Variants in TMEM62 observed in about 807,000 individuals in gnomAD.
The protein encoded by TMEM62 is transmembrane protein 62.
Under a neutral mutation model 70.4 loss-of-function variants are expected in TMEM62, and 41 were observed. The ratio of observed to expected loss-of-function variants is 0.58; its 90% confidence interval spans 0.45 to 0.76. The LOEUF (loss-of-function observed/expected upper bound fraction) is 0.76, where lower values mean the gene tolerates loss of function less well. Among genes scored for constraint, TMEM62 ranks in the 30% least tolerant of loss-of-function variants. TMEM62 has a pLI of 0.00. For synonymous variants in TMEM62, 268 were observed against 291.0 expected, an observed-to-expected ratio of 0.92 and a Z score of 0.80; for missense variants, 688 against 788.5, an observed-to-expected ratio of 0.87 and a Z score of 1.53.
intron 10 of TMEM62, among the ~76,000 whole-genome samples, chr15:43,167,387 G>C (rs895052937): frequency 6.6e-5 from 10 of 151,672 alleles, no homozygotes; most frequent in African/African-American, 2.4e-5. Context: ...GCTGGGCTGA[G>C]GGGCACCTCA....
In TMEM62 at chr15:43,149,135, T is replaced by G. The variant is rs1271916341; in HGVS notation, c.850T>G (p.Trp284Gly). Residue 284 changes from tryptophan to glycine, a missense_variant, in exon 7 of 14, where the codon TGG becomes GGG. Physicochemically the swap from Trp to Gly is radical, Grantham distance 184 (BLOSUM62 -2). Transcript: ENST00000260403. ...QGTLELEVGD[W>G]KDNRRYRIFA... is the part of the protein sequence containing the mutation. ...CACTTTGGAACTTGAGGTGGGAGACTGGAAGGATAATAGGAGGTAAGGGAA... is the reference window on the plus strand; with the variant it reads ...CACTTTGGAACTTGAGGTGGGAGACGGGAAGGATAATAGGAGGTAAGGGAA... The G allele has an allele frequency of 6.2e-7, 1 of 1,614,082 alleles. No homozygotes were observed. The highest frequency in any genetic ancestry group is 1.7e-5 in the Admixed American group (1 of 60,012).
At chr15:43,163,473 C>A (rs2038995888) in intron 10 of TMEM62, among the ~76,000 whole-genome samples, 1 of 151,544 alleles carries the variant, frequency 6.6e-6, no homozygotes, top group African/African-American at 2.4e-5. Flanking sequence ...AAATGAATAA[C>A]CTGGATGTTA....
At chr15:43,179,533 G>T (rs987378486) in intron 12 of TMEM62, among the ~76,000 whole-genome samples, 1 of 152,202 alleles carries the variant, frequency 6.6e-6, no homozygotes, top group Non-Finnish European at 1.5e-5. Context: ...TGTATGATAT[G>T]TAAGGACAAA....
In TMEM62 at chr15:43,151,865, T is replaced by TA; in HGVS notation, c.943dup (p.Ile315AsnfsTer5). The stretch of plus-strand genomic sequence containing the variant: ...TCTTTGGGAAGTGGCCTGTGGTTCT[T>TA]ATCACCAATCCTAAATCACTCCTTT... On this transcript the variant is annotated frameshift_variant, in exon 8 of 14. Transcript: ENST00000260403. LOFTEE classifies it high-confidence loss of function. 1 of 1,614,040 alleles carries TA rather than the reference T, an allele frequency of 6.2e-7. No individual in the cohort carries two copies. The highest frequency in any genetic ancestry group is 8.5e-7 in the Non-Finnish European group (1 of 1,179,930).
In TMEM62 at chr15:43,184,574, C is replaced by A; in HGVS notation, c.1920C>A (p.His640Gln). Residue 640 changes from histidine to glutamine, a missense_variant, in exon 14 of 14, where the codon CAC becomes CAA. Coordinates refer to ENST00000260403, the MANE Select transcript of TMEM62 (RefSeq NM_024956.4). Reference protein sequence around the residue: ...FGIFMVQLKSHLSS With the variant: ...FGIFMVQLKSQLSS Reference sequence around the variant, plus strand: ...TCTTCATGGTGCAGTTAAAAAGCCACCTGAGCTCCTGAAGGCCATGTCTCA... The same window carrying A: ...TCTTCATGGTGCAGTTAAAAAGCCAACTGAGCTCCTGAAGGCCATGTCTCA... 1 of 1,609,464 alleles carries A rather than the reference C, an allele frequency of 6.2e-7. No homozygotes were observed. The highest frequency in any genetic ancestry group is 2.2e-5 in the East Asian group (1 of 44,878).
intron 11 of TMEM62, among the ~76,000 whole-genome samples, chr15:43,172,899 C>T (rs2040348392): frequency 6.6e-6 from 1 of 152,108 alleles, no homozygotes; most frequent in South Asian, 2.1e-4. Flanking sequence ...TTTCAGTAAG[C>T]ATCAGTCTTC....
intron 5 of TMEM62, among the ~76,000 whole-genome samples, chr15:43,148,533 C>T (rs761020500): frequency 1.3e-5 from 2 of 152,194 alleles, no homozygotes; most frequent in Admixed American, 1.3e-4. Flanking sequence ...ATAATACCTA[C>T]CCTACCTATT....
intron 9 of TMEM62, among the ~76,000 whole-genome samples, chr15:43,155,636 T>A (rs2037960119): frequency 6.6e-6 from 1 of 152,228 alleles, no homozygotes; most frequent in African/African-American, 2.4e-5. Context: ...TCCCTTTTTT[T>A]AGCCCCAGGA....
rs1302293360 is a variant in TMEM62 at position 43,176,576 on chromosome 15, G to A, written c.1382-2031G>A. ...CACTGATGATACCCAGGCAAACAGGGTCTGGAGTGGACCTCTAGCAAACTC... is the reference window on the plus strand; with the variant it reads ...CACTGATGATACCCAGGCAAACAGGATCTGGAGTGGACCTCTAGCAAACTC... On this transcript the variant is annotated intron_variant, in intron 11 of 13. Transcript: ENST00000260403. Among the ~76,000 whole-genome samples the A allele has an allele frequency of 3.3e-5, 5 of 152,136 alleles. No individual in the cohort carries two copies. The South Asian group carries it at 1.0e-3, about 31-fold the overall frequency.
intron 12 of TMEM62, among the ~76,000 whole-genome samples, chr15:43,179,370 A>G (rs1417290380): frequency 6.6e-6 from 1 of 152,256 alleles, no homozygotes; most frequent in Non-Finnish European, 1.5e-5. Context: ...TAGTTCAGGC[A>G]TATCTGCACT....
intron 4 of TMEM62, 53 bp from the exon 5 acceptor site, chr15:43,146,440 T>C (rs2036666341): frequency 6.5e-7 from 1 of 1,535,436 alleles, no homozygotes; most frequent in Admixed American, 2.0e-5. Context: ...GGAAGGAATT[T>C]TAAAGCATTG....
At chr15:43,174,512 T>C (rs2040534131) in intron 11 of TMEM62, among the ~76,000 whole-genome samples, 1 of 152,232 alleles carries the variant, frequency 6.6e-6, no homozygotes, top group African/African-American at 2.4e-5. Context: ...CCCCAGCCTC[T>C]TATATGGGGG....
At chr15:43,154,532 A>T (rs2037802831) in intron 8 of TMEM62, 140 bp from the exon 9 acceptor site, 3 of 628,816 alleles carry the variant, frequency 4.8e-6, no homozygotes, top group Non-Finnish European at 7.3e-6. Context: ...ACCAGATCAT[A>T]TCAATAGTGG....
intron 5 of TMEM62, 75 bp downstream of exon 5, chr15:43,146,709 C>A: frequency 1.6e-6 from 2 of 1,265,406 alleles, no homozygotes; most frequent in South Asian, 3.4e-5. Context: ...TTAAAGTTAT[C>A]AAAAGTAAAC....
At chr15:43,167,218 C>CT (rs1432899091) in intron 10 of TMEM62, among the ~76,000 whole-genome samples, 1 of 150,212 alleles carries the variant, frequency 6.7e-6, no homozygotes, top group Non-Finnish European at 1.5e-5. Context: ...GGGGGGCTGA[C>CT]CCCCCACCTC....
intron 11 of TMEM62, chr15:43,169,998 A>G (rs1249866777): frequency 8.8e-6 from 2 of 226,592 alleles, no homozygotes; most frequent in Admixed American, 5.3e-5. Flanking sequence ...TTAATTTGCA[A>G]TTGGTTAAAG....
chr15:43,181,447 A>G (rs969652397), intron 13 of TMEM62, 148 bp downstream of exon 13: 1 of 638,670 alleles, frequency 1.6e-6, no homozygotes, highest in Admixed American at 2.5e-5. Flanking sequence ...TAAAAGCTTC[A>G]TTTGCTTTTA....
In TMEM62 at chr15:43,148,762, T is replaced by C. The variant is rs1567192283; in HGVS notation, c.626T>C (p.Met209Thr). Reference sequence around the variant, plus strand: ...ATTTTTCTCCCATCTCAGAAAAAGATGGAGGAGCTCTTATTACTGGCCAAG... The same window carrying C: ...ATTTTTCTCCCATCTCAGAAAAAGACGGAGGAGCTCTTATTACTGGCCAAG... ...NFFGILDKKK[M>T]EELLLLAKES... The change falls in exon 6 of 14, where the codon ATG (methionine) becomes ACG (threonine). Residue 209 changes from methionine (M) to threonine (T), a missense_variant. Physicochemically the swap from Met to Thr is moderately conservative, Grantham distance 81. Transcript: ENST00000260403. 6.2e-7 allele frequency: 1 copy of C among 1,613,074 alleles called. No homozygotes were observed. Among genetic ancestry groups the C allele is most frequent in the Non-Finnish European group, 8.5e-7 (1 of 1,179,772 alleles).
intron 10 of TMEM62, chr15:43,169,126 T>A (rs566926814): frequency 3.1e-4 from 48 of 155,592 alleles, no homozygotes; most frequent in African/African-American, 1.2e-3. Context: ...TTTTAGTGCC[T>A]CTTTCCTTGA....
Sources: allele counts gnomAD v4.1 joint callset (sites outside exome capture counted in the v4.1 genomes callset), GRCh38; gene constraint gnomAD v4.1.1; transcripts MANE v1.5; gene names NCBI Gene and HGNC (gene_info 2026-07-23, HGNC 2026-07-21).